Variants in ZNF23 observed in about 807,000 individuals in gnomAD.
The protein encoded by ZNF23 is zinc finger protein 23, also known as kruppel-like zinc finger factor X31.
ZNF23 carries 48 observed loss-of-function variants against 56.2 expected under a neutral mutation model. The ratio of observed to expected loss-of-function variants is 0.85; its 90% CI spans 0.68 to 1.09. The LOEUF (loss-of-function observed/expected upper bound fraction) is 1.09. ZNF23 is among the 50% of genes least tolerant of loss of function. The pLI, the probability that ZNF23 is intolerant of heterozygous loss-of-function variation, is 0.00. For missense variants in ZNF23, 805 were observed against 811.4 expected (o/e 0.99, Z 0.10); for synonymous variants, 266 against 283.3 (o/e 0.94, Z 0.61).
At chr16:71,450,048 C>G (rs974646040) in intron 4 of ZNF23, 163 bp from the exon 5 acceptor site, 1 of 523,396 alleles carries the variant, frequency 1.9e-6, no homozygotes, top group Non-Finnish European at 3.3e-6. Flanking sequence ...TAATTTGTAA[C>G]TAACTAGTAA....
chr16:71,456,339 A>G (rs1418146064), intron 2 of ZNF23, among the ~76,000 whole-genome samples: 2 of 152,004 alleles, frequency 1.3e-5, no homozygotes, highest in Non-Finnish European at 2.9e-5. Context: ...CTTACCCCTG[A>G]ATTAGAGGCA....
chr16:71,448,327 T>C lies in ZNF23; in HGVS notation c.1827A>G (p.Gly609=), dbSNP rs369127923. 5.0e-5 allele frequency: 80 copies of C among 1,613,722 alleles called. No individual in the cohort carries two copies. Among genetic ancestry groups the C allele is most frequent in the Non-Finnish European group, 6.8e-5 (80 of 1,179,942 alleles). Residue 609 remains glycine (G), a synonymous_variant, in exon 5 of 5, where the codon GGA becomes GGG. Transcript: ENST00000647773. ...GEKPFQCKEC[G]KAFHVNAHLI... ...AATGGGCATTAACATGGAAGGCTTT[T>C]CCACACTCCTTACACTGAAAGGGTT...
rs1203514003 is a variant in ZNF23 at position 71,448,068 on chromosome 16, A to C, written c.*25T>G. 1.9e-6 allele frequency: 3 copies of C among 1,544,116 alleles called. No homozygotes were observed. Among genetic ancestry groups the C allele is most frequent in the Non-Finnish European group, 2.6e-6 (3 of 1,145,728 alleles). ...TTGATCCATTTTGGCATTAACCTTA[A>C]GAGTTTTCTATATCTTTCTCATTAT... is the stretch of plus-strand genomic sequence containing the variant. On this transcript the variant is annotated 3_prime_UTR_variant, in exon 5 of 5. Coordinates refer to ENST00000647773, the MANE Select transcript of ZNF23 (RefSeq NM_001381984.1).
intron 1 of ZNF23, among the ~76,000 whole-genome samples, chr16:71,457,466 G>A (rs574127780): frequency 3.8e-4 from 58 of 152,294 alleles, no homozygotes; most frequent in African/African-American, 1.3e-3. Flanking sequence ...GGGTGGCAGA[G>A]GCAGGAGAAT....
chr16:71,450,595 T>G (rs2043023145), intron 4 of ZNF23: 1 of 377,560 alleles, frequency 2.6e-6, no homozygotes. Flanking sequence ...GGTACGTGCC[T>G]GTAGTTCCAG....
At chr16:71,459,218 C>G (rs2043349080) in intron 1 of ZNF23, among the ~76,000 whole-genome samples, 1 of 152,236 alleles carries the variant, frequency 6.6e-6, no homozygotes, top group Admixed American at 6.5e-5. Context: ...CTGCTGGGCC[C>G]TGAAGTGCAG....
chr16:71,459,713 C>T (rs2043370881), intron 1 of ZNF23, among the ~76,000 whole-genome samples: 1 of 152,126 alleles, frequency 6.6e-6, no homozygotes, highest in Admixed American at 6.5e-5. Flanking sequence ...TTGTCTCTGA[C>T]CTAGTAATTG....
At chr16:71,459,349 G>A (rs2043356617) in intron 1 of ZNF23, among the ~76,000 whole-genome samples, 1 of 152,226 alleles carries the variant, frequency 6.6e-6, no homozygotes, top group Non-Finnish European at 1.5e-5. Flanking sequence ...CAAACGCCCT[G>A]CAAGGCAGAG....
Position 71,449,786 on chromosome 16 carries a change from A to C in ZNF23, c.368T>G (p.Phe123Cys). 6.2e-7 allele frequency: 1 copy of C among 1,614,138 alleles called. No homozygotes were observed. Residue 123 changes from phenylalanine (F) to cysteine (C), a missense_variant, in exon 5 of 5, where the codon TTT becomes TGT. By Grantham distance (205) the Phe-to-Cys change is radical (BLOSUM62 -2). Transcript: ENST00000647773. ...LQRDFSQETD[F>C]SEASLLEKQQ... ...TTTCTCTAGAAGAGAGGCTTCTGAA[A>C]AGTCTGTTTCCTGGGAAAAGTCTCT...
chr16:71,458,927 C>T (rs540961791), intron 1 of ZNF23, among the ~76,000 whole-genome samples: 1 of 152,314 alleles, frequency 6.6e-6, no homozygotes, highest in South Asian at 2.1e-4. Context: ...ATGTGGTTTC[C>T]TTTTATTTTC....
rs1222894277 is a variant in ZNF23, at chr16:71,449,503, T to C, written c.651A>G (p.Val217=). 6.2e-7 allele frequency: 1 copy of C among 1,614,098 alleles called. No homozygotes were observed. The highest frequency in any genetic ancestry group is 1.1e-5 in the South Asian group (1 of 91,088). The change falls in exon 5 of 5, where the codon GTA becomes GTG. Residue 217 remains valine (V), a synonymous_variant. Transcript: ENST00000647773. ...GTTGAGAGTCACACCTAAAGGGCTC[T>C]ACTAATTCTTCACATTTGAAAGGTC... ...EERPFKCEEL[V]EPFRCDSQLI... is the part of the protein sequence containing the mutation.
chr16:71,459,028 G>A (rs1056047141), intron 1 of ZNF23, among the ~76,000 whole-genome samples: 15 of 152,236 alleles, frequency 9.9e-5, no homozygotes, highest in African/African-American at 3.6e-4. Flanking sequence ...CTTCAGCTCT[G>A]TAAGGGGCAG....
intron 4 of ZNF23, chr16:71,451,863 CG>C (rs1404508378): frequency 6.6e-6 from 1 of 152,182 alleles, no homozygotes; most frequent in African/African-American, 2.4e-5. Flanking sequence ...AAATATCTCT[CG>C]TTTTCACTTT....
chr16:71,461,779 G>A (rs116392004), intron 1 of ZNF23: 3 of 152,334 alleles, frequency 2.0e-5, no homozygotes, highest in African/African-American at 7.2e-5. Flanking sequence ...CCCTATGTCA[G>A]GAGCCTGGGA....
rs767656088 is a variant in ZNF23, at chr16:71,448,353, T to G, written c.1801A>C (p.Lys601Gln). The change falls in exon 5 of 5, where the codon AAA becomes CAA. Residue 601 changes from lysine (K) to glutamine (Q), a missense_variant. Physicochemically the swap from Lys to Gln is moderately conservative, Grantham distance 53. Coordinates refer to ENST00000647773, the MANE Select transcript of ZNF23 (RefSeq NM_001381984.1). Reference protein sequence around the residue: ...IVHQRIHTGEKPFQCKECGKA... With the variant: ...IVHQRIHTGEQPFQCKECGKA... ...CCACACTCCTTACACTGAAAGGGTT[T>G]CTCTCCTGTATGGATTCTCTGGTGC... is the stretch of plus-strand genomic sequence containing the variant. The G allele has an allele frequency of 6.2e-7, 1 of 1,614,126 alleles. No individual in the cohort carries two copies. Among genetic ancestry groups the G allele is most frequent in the South Asian group, 1.1e-5 (1 of 91,086 alleles).
rs1330784737 is a variant in ZNF23, at chr16:71,448,650, C to T, written c.1504G>A (p.Val502Ile). ...TGATGCCGCATTAGTTTCCCATTAA[C>T]GCTGAAGGCCTTTCCACACTCATTA... ...ECNECGKAFS[V>I]NGKLMRHQRI... Residue 502 changes from valine to isoleucine, a missense_variant, in exon 5 of 5, where the codon GTT becomes ATT. Coordinates refer to ENST00000647773, the MANE Select transcript of ZNF23 (RefSeq NM_001381984.1). The T allele has an allele frequency of 8.7e-6, 14 of 1,613,942 alleles. No homozygotes were observed. The highest frequency in any genetic ancestry group is 1.6e-4 in the Middle Eastern group (1 of 6,062).
intron 4 of ZNF23, chr16:71,450,744 G>T: frequency 4.7e-6 from 2 of 427,852 alleles, no homozygotes; most frequent in Non-Finnish European, 9.3e-6. Flanking sequence ...TGACAGTAGT[G>T]GAATAAAATT....
rs982717075 is a variant in ZNF23 at position 71,448,779 on chromosome 16, C to T, written c.1375G>A (p.Gly459Ser). Residue 459 changes from glycine to serine, a missense_variant, in exon 5 of 5, where the codon GGC becomes AGC. Coordinates refer to ENST00000647773, the MANE Select transcript of ZNF23 (RefSeq NM_001381984.1). ...TCATTACACTCATAGGGTTTCTCGCCTGTGTGAATTCTCTGGTGTTGGATT... is the reference window on the plus strand; with the variant it reads ...TCATTACACTCATAGGGTTTCTCGCTTGTGTGAATTCTCTGGTGTTGGATT... ...KLIQHQRIHT[G>S]EKPYECNECG... 3.1e-6 allele frequency: 5 copies of T among 1,614,098 alleles called. No individual in the cohort carries two copies. The highest frequency in any genetic ancestry group is 4.2e-6 in the Non-Finnish European group (5 of 1,180,044).
intron 1 of ZNF23, among the ~76,000 whole-genome samples, chr16:71,461,204 T>C (rs2043441934): frequency 6.6e-6 from 1 of 152,154 alleles, no homozygotes; most frequent in Admixed American, 6.5e-5. Context: ...AACACATTGA[T>C]AAATTCAGCA....
Sources: allele counts gnomAD v4.1 joint callset (sites outside exome capture counted in the v4.1 genomes callset), GRCh38; gene constraint gnomAD v4.1.1; transcripts MANE v1.5; gene names NCBI Gene and HGNC (gene_info 2026-07-23, HGNC 2026-07-21).